Variants in IMPG1 observed in about 807,000 individuals in gnomAD.
IMPG1 encodes the protein interphotoreceptor matrix proteoglycan 1.
Under a neutral mutation model 92.0 loss-of-function variants are expected in IMPG1, and 85 were observed. The observed-to-expected ratio is 0.92, with a 90% CI of 0.78 to 1.11. The LOEUF (loss-of-function observed/expected upper bound fraction) is 1.11. IMPG1 is among the 50% of genes least tolerant of loss of function. The probability of loss-of-function intolerance (pLI) is 0.00; values close to 1 mark genes in which losing one functional copy is unlikely to be tolerated. For missense variants in IMPG1, 1,022 were observed against 956.0 expected, an observed-to-expected ratio of 1.07 and a Z score of -0.91; for synonymous variants, 367 against 334.1, an observed-to-expected ratio of 1.10 and a Z score of -1.08.
chr6:75,962,305 A>C (rs1428453506), intron 12 of IMPG1, among the ~76,000 whole-genome samples: 1 of 151,514 alleles, frequency 6.6e-6, no homozygotes, highest in Non-Finnish European at 1.5e-5. Context: ...TTTTTTTTTT[A>C]TGTAGAAATG....
At chr6:75,934,024 G>A (rs1781701589) in intron 14 of IMPG1, among the ~76,000 whole-genome samples, 1 of 152,108 alleles carries the variant, frequency 6.6e-6, no homozygotes, top group Non-Finnish European at 1.5e-5. Flanking sequence ...TCAAATATGG[G>A]GTTTCCAGGA....
chr6:75,950,634 C>A lies in IMPG1; in HGVS notation c.1752G>T (p.Met584Ile), dbSNP rs1782008063. 6.2e-7 allele frequency: 1 copy of A among 1,613,712 alleles called. No individual in the cohort carries two copies. The highest frequency in any genetic ancestry group is 8.5e-7 in the Non-Finnish European group (1 of 1,179,862). Reference protein sequence around the residue: ...VVFFSLRVANMAFSNDLFNKS... With the variant: ...VVFFSLRVANIAFSNDLFNKS... The stretch of plus-strand genomic sequence containing the variant: ...TGTTGAACAGGTCGTTGGAGAAGGC[C>A]ATGTTAGCAACACGCAGACTGAAGA... The change falls in exon 13 of 17, where the codon ATG becomes ATT. Residue 584 changes from methionine (M) to isoleucine (I), a missense_variant. Met to Ile is a conservative substitution (Grantham distance 10). This residue lies in a region of IMPG1 where 332 missense variants were observed against 346.2 expected (regional missense o/e 0.96). Transcript: ENST00000369950.
rs16887038 is a variant in IMPG1 at position 75,998,200 on chromosome 6, A to G, written c.1291+4718T>C. On this transcript the variant is annotated intron_variant, in intron 12 of 16. Transcript: ENST00000369950. ...TACTAGACAGATTAAAAAGGGAACTAGATTATTCCAATAAAGTCTGACTTT... is the reference window on the plus strand; with the variant it reads ...TACTAGACAGATTAAAAAGGGAACTGGATTATTCCAATAAAGTCTGACTTT... Among the ~76,000 whole-genome samples the G allele has an allele frequency of 3.0e-3, 455 of 152,350 alleles. 10 individuals carry two copies. In the East Asian group the frequency reaches 0.07, roughly 23 times the overall value.
chr6:75,925,931 C>T (rs1469425412), intron 15 of IMPG1, among the ~76,000 whole-genome samples: 1 of 152,176 alleles, frequency 6.6e-6, no homozygotes, highest in Admixed American at 6.5e-5. Context: ...TCCCAAAGTG[C>T]TGGGATTACA....
At chr6:76,062,905 C>A (rs1280958526) in intron 1 of IMPG1, among the ~76,000 whole-genome samples, 6 of 149,704 alleles carry the variant, frequency 4.0e-5, no homozygotes, top group Non-Finnish European at 8.9e-5. Context: ...AGAATGGATG[C>A]CAGTTCTCCT....
chr6:76,031,911 A>G (rs962245745), intron 4 of IMPG1, among the ~76,000 whole-genome samples: 3 of 152,220 alleles, frequency 2.0e-5, no homozygotes, highest in African/African-American at 7.2e-5. Flanking sequence ...CTGGCAATCT[A>G]TACCATCACC....
intron 6 of IMPG1, 148 bp from the exon 7 acceptor site, chr6:76,019,006 G>A: frequency 1.5e-6 from 1 of 686,478 alleles, no homozygotes; most frequent in Non-Finnish European, 2.2e-6. Context: ...CTAGAACTTA[G>A]AGAAGAGCCT....
intron 13 of IMPG1, 43 bp downstream of exon 13, chr6:75,950,519 A>T (rs1384637136): frequency 6.7e-7 from 1 of 1,487,260 alleles, no homozygotes; most frequent in Non-Finnish European, 9.0e-7. Flanking sequence ...CAACAAAGAA[A>T]GAAGAGACAA....
intron 12 of IMPG1, among the ~76,000 whole-genome samples, chr6:75,978,386 G>A (rs1782572985): frequency 6.6e-6 from 1 of 151,992 alleles, no homozygotes; most frequent in Admixed American, 6.6e-5. Flanking sequence ...TTTTGTTGTT[G>A]ACGTATTTTG....
At chr6:76,009,309 G>A (rs745433975) in intron 8 of IMPG1, among the ~76,000 whole-genome samples, 3 of 152,112 alleles carry the variant, frequency 2.0e-5, no homozygotes, top group Non-Finnish European at 4.4e-5. Context: ...AATGATACAT[G>A]TCCTAACTAC....
chr6:75,942,644 T>A (rs1431910669), intron 14 of IMPG1, among the ~76,000 whole-genome samples: 6 of 152,196 alleles, frequency 3.9e-5, no homozygotes, highest in Admixed American at 3.9e-4. Flanking sequence ...ACTAGGGACA[T>A]TTTAATCAGC....
chr6:76,014,805 C>T (rs534017013), intron 7 of IMPG1, among the ~76,000 whole-genome samples: 2 of 152,282 alleles, frequency 1.3e-5, no homozygotes, highest in East Asian at 3.9e-4. Context: ...TCCAGGAGGG[C>T]TCCATGGCAT....
intron 12 of IMPG1, among the ~76,000 whole-genome samples, chr6:75,970,276 T>C (rs899917765): frequency 6.6e-6 from 1 of 152,182 alleles, no homozygotes; most frequent in Admixed American, 6.5e-5. Context: ...AGCCCAAGGC[T>C]ACAAAGATGG....
intron 6 of IMPG1, among the ~76,000 whole-genome samples, chr6:76,021,657 T>C (rs192613501): frequency 5.8e-4 from 88 of 151,608 alleles, no homozygotes; most frequent in African/African-American, 2.1e-3. Context: ...ATTTGACCTA[T>C]TCATCCCGGA....
Position 76,072,465 on chromosome 6 carries a change from A to T in IMPG1, c.24T>A (p.Ala8=), listed in dbSNP as rs769055905. Residue 8 remains alanine (A), a synonymous_variant, in exon 1 of 17, where the codon GCT becomes GCA. Transcript: ENST00000369950. MYLETRR[A]IFVFWIFLQV... is the part of the protein sequence containing the mutation. ...GGAGAAAAATCCAAAAAACAAAAAT[A>T]GCTCTTCTAGTTTCCAAATACATTC... is the stretch of plus-strand genomic sequence containing the variant. The T allele has an allele frequency of 2.5e-6, 4 of 1,596,600 alleles. No homozygotes were observed. In the Admixed American group the frequency reaches 6.9e-5, roughly 27 times the overall value.
At chr6:76,016,124 T>C (rs1346461832) in intron 7 of IMPG1, among the ~76,000 whole-genome samples, 1 of 152,220 alleles carries the variant, frequency 6.6e-6, no homozygotes, top group African/African-American at 2.4e-5. Flanking sequence ...GTGTTAGCTA[T>C]TATGTCTATA....
intron 12 of IMPG1, among the ~76,000 whole-genome samples, chr6:75,994,904 C>G (rs1782870917): frequency 6.6e-6 from 1 of 152,192 alleles, no homozygotes; most frequent in Non-Finnish European, 1.5e-5. Flanking sequence ...CTAGCAAAGG[C>G]TAGCATCTCC....
At chr6:76,002,801 G>C in intron 12 of IMPG1, 117 bp downstream of exon 12, 1 of 754,418 alleles carries the variant, frequency 1.3e-6, no homozygotes, top group Non-Finnish European at 2.3e-6. Flanking sequence ...GCTGGTGGCA[G>C]TGAACCTTTT....
At position 75,921,824 on chromosome 6, in the gene IMPG1, T is replaced by G; in HGVS notation, c.*265A>C. 1 of 276,790 alleles carries G rather than the reference T, an allele frequency of 3.6e-6. No individual in the cohort carries two copies. Among genetic ancestry groups the G allele is most frequent in the Non-Finnish European group, 6.8e-6 (1 of 148,092 alleles). 17.1% of individuals were successfully genotyped at this position (276,790 alleles called of 1,614,324 possible). A position where few individuals can be genotyped will look rare whatever the true frequency, so the allele number is the denominator to read the frequency against. On this transcript the variant is annotated 3_prime_UTR_variant, in exon 17 of 17. Coordinates refer to ENST00000369950, the MANE Select transcript of IMPG1 (RefSeq NM_001563.4). The stretch of plus-strand genomic sequence containing the variant: ...GGAAGCAAACCTGGCTTATGATCAT[T>G]TTGACTATCATCCAAGAATAGTAAA...
Sources: gnomAD v4.1 joint callset for allele counts (sites outside exome capture counted in the v4.1 genomes callset) on GRCh38, gnomAD v4.1.1 for gene constraint, gnomAD v4.1.1 regional missense constraint, MANE v1.5 for transcripts, NCBI Gene and HGNC (gene_info 2026-07-23, HGNC 2026-07-21) for gene names.